ITGB4: variants seen among roughly 807,000 people sequenced by gnomAD.
The protein encoded by ITGB4 is integrin beta-4.
In ITGB4, 159 loss-of-function variants were observed where a neutral mutation model predicts 207.6. The observed-to-expected ratio is 0.77, with a 90% CI of 0.67 to 0.87. The LOEUF (loss-of-function observed/expected upper bound fraction) is 0.87. Ranked by LOEUF, ITGB4 falls within the 40% of genes least tolerant of loss-of-function variation. ITGB4 has a pLI of 0.00. For synonymous variants in ITGB4, 1,020 were observed against 1,062.7 expected (o/e 0.96, Z 0.78); for missense variants, 2,278 against 2,546.8 (o/e 0.89, Z 2.27).
chr17:75,730,870 C>T lies in ITGB4; in HGVS notation c.1003-5C>T, dbSNP rs200509882. Reference sequence around the variant, plus strand: ...TAGCCTGAGACCTGGCCTTCTCTCCCGCAGAAGCTTCACACCTATTTCCCT... The same window carrying T: ...TAGCCTGAGACCTGGCCTTCTCTCCTGCAGAAGCTTCACACCTATTTCCCT... On this transcript the variant is annotated splice_region_variant and splice_polypyrimidine_tract_variant and intron_variant, in intron 8 of 39. Coordinates refer to ENST00000200181, the MANE Select transcript of ITGB4 (RefSeq NM_000213.5). 8.1e-5 allele frequency: 130 copies of T among 1,610,692 alleles called. No homozygotes were observed. Among genetic ancestry groups the T allele is most frequent in the Non-Finnish European group, 1.1e-4 (124 of 1,178,094 alleles).
In ITGB4 at chr17:75,750,132, C is replaced by T. The variant is rs775373022; in HGVS notation, c.3338C>T (p.Thr1113Met). Reference protein sequence around the residue: ...RDPDELDRSFTSQMLSSQPPP... With the variant: ...RDPDELDRSFMSQMLSSQPPP... The stretch of plus-strand genomic sequence containing the variant: ...TTAGATGAACTGGACCGGAGCTTCA[C>T]GAGTCAGATGTTGTCATCACAGCCA... The change falls in exon 28 of 40, where the codon ACG becomes ATG. Residue 1113 changes from threonine to methionine, a missense_variant. By Grantham distance (81) the Thr-to-Met change is moderately conservative. Coordinates refer to ENST00000200181, the MANE Select transcript of ITGB4 (RefSeq NM_000213.5). The surrounding 1 kb of genome is among the most constrained non-coding windows in gnomAD (Gnocchi z 5.5). 16 of 1,613,602 alleles carry T rather than the reference C, an allele frequency of 9.9e-6. No homozygotes were observed. Among genetic ancestry groups the T allele is most frequent in the South Asian group, 5.5e-5 (5 of 91,086 alleles).
At chr17:75,749,152 A>G (rs1447641692) in intron 27 of ITGB4, 107 bp downstream of exon 27, 1 of 880,986 alleles carries the variant, frequency 1.1e-6, no homozygotes, top group African/African-American at 1.7e-5. Context: ...ACGCCCAGGT[A>G]AATCTGAATT....
In ITGB4 at chr17:75,727,380, G is replaced by A. The variant is rs772979254; in HGVS notation, c.163-24G>A. ...AGCCAGGGAATGGGTGCTGCCCCCAGTGACCCCCTGTCCTTCTGGCCAGAT... is the reference window on the plus strand; with the variant it reads ...AGCCAGGGAATGGGTGCTGCCCCCAATGACCCCCTGTCCTTCTGGCCAGAT... On this transcript the variant is annotated intron_variant, in intron 3 of 39. Transcript: ENST00000200181. This position sits in a 1 kb window ranked among gnomAD's most constrained non-coding sequence, Gnocchi z 6.0. The A allele has an allele frequency of 6.2e-7, 1 of 1,613,770 alleles. No individual in the cohort carries two copies. The highest frequency in any genetic ancestry group is 1.7e-5 in the Admixed American group (1 of 60,014).
chr17:75,757,228 C>G lies in ITGB4; in HGVS notation c.5247C>G (p.Ala1749=), dbSNP rs766721134. ...GGPFPQLGSR[A]GLFQHPLQSE... is the part of the protein sequence containing the mutation. Reference sequence around the variant, plus strand: ...CCTTCCCGCAGCTGGGCAGCCGTGCCGGGCTCTTCCAGCACCCGCTGCAAA... The same window carrying G: ...CCTTCCCGCAGCTGGGCAGCCGTGCGGGGCTCTTCCAGCACCCGCTGCAAA... The change falls in exon 39 of 40, where the codon GCC becomes GCG. Residue 1749 remains alanine, a synonymous_variant. Coordinates refer to ENST00000200181, the MANE Select transcript of ITGB4 (RefSeq NM_000213.5). 2 of 1,612,036 alleles carry G rather than the reference C, an allele frequency of 1.2e-6. No individual in the cohort carries two copies. The highest frequency in any genetic ancestry group is 1.1e-5 in the South Asian group (1 of 91,082).
In ITGB4 at chr17:75,750,305, G is replaced by C. The variant is rs985206031; in HGVS notation, c.3474+37G>C. 3 of 1,578,282 alleles carry C rather than the reference G, an allele frequency of 1.9e-6. No homozygotes were observed. The highest frequency in any genetic ancestry group is 1.3e-5 in the African/African-American group (1 of 74,334). On this transcript the variant is annotated intron_variant, in intron 28 of 39. Coordinates refer to ENST00000200181, the MANE Select transcript of ITGB4 (RefSeq NM_000213.5). This position sits in a 1 kb window ranked among gnomAD's most constrained non-coding sequence, Gnocchi z 5.5. Reference sequence around the variant, plus strand: ...GGCTGAGGGTCACGACAGGTGGATGGGCGGTCTGGCACCAGCACTCACAGA... The same window carrying C: ...GGCTGAGGGTCACGACAGGTGGATGCGCGGTCTGGCACCAGCACTCACAGA...
chr17:75,735,972 G>C, intron 13 of ITGB4, 79 bp from the exon 14 acceptor site: 1 of 1,344,674 alleles, frequency 7.4e-7, no homozygotes, highest in South Asian at 1.2e-5. Flanking sequence ...TGTTCCCACA[G>C]GCCCTCCCTG....
intron 34 of ITGB4, 84 bp downstream of exon 34, chr17:75,754,899 C>T (rs2061453880): frequency 6.3e-7 from 1 of 1,587,418 alleles, no homozygotes; most frequent in African/African-American, 1.3e-5. Context: ...TGTCTGCTGT[C>T]CCCACCGCCC....
rs755444323 is a variant in ITGB4, at chr17:75,731,392, G to T, written c.1215+24G>T. 2 of 1,600,598 alleles carry T rather than the reference G, an allele frequency of 1.2e-6. No individual in the cohort carries two copies. The highest frequency in any genetic ancestry group is 8.5e-7 in the Non-Finnish European group (1 of 1,171,400). ...TGGTACGCCTCTGTGGGGGCAGCGG[G>T]GTGGGGGATAGGCACAGCGCCCCAC... On this transcript the variant is annotated intron_variant, in intron 10 of 39. Coordinates refer to ENST00000200181, the MANE Select transcript of ITGB4 (RefSeq NM_000213.5). This position sits in a 1 kb window ranked among gnomAD's most constrained non-coding sequence, Gnocchi z 6.8.
chr17:75,750,287 G>A lies in ITGB4; in HGVS notation c.3474+19G>A, dbSNP rs1441550246. Reference sequence around the variant, plus strand: ...GTACAGGGTAAGGCGGGGGGCTGAGGGTCACGACAGGTGGATGGGCGGTCT... The same window carrying A: ...GTACAGGGTAAGGCGGGGGGCTGAGAGTCACGACAGGTGGATGGGCGGTCT... On this transcript the variant is annotated intron_variant, in intron 28 of 39. Coordinates refer to ENST00000200181, the MANE Select transcript of ITGB4 (RefSeq NM_000213.5). The surrounding 1 kb of genome is among the most constrained non-coding windows in gnomAD (Gnocchi z 5.5). The A allele has an allele frequency of 6.3e-7, 1 of 1,597,022 alleles. No individual in the cohort carries two copies. The highest frequency in any genetic ancestry group is 1.3e-5 in the African/African-American group (1 of 74,580).
At position 75,739,764 on chromosome 17, in the gene ITGB4, G is replaced by C. The variant is rs1185974836; in HGVS notation, c.2254+59G>C. The C allele has an allele frequency of 6.9e-5, 112 of 1,611,934 alleles. No individual in the cohort carries two copies. The highest frequency in any genetic ancestry group is 9.3e-5 in the Non-Finnish European group (109 of 1,178,218). ...TCTGACTGCTCTTTCTCTGAGCTGGGGTGGAGGGAAGCTGAACCTGGAACG... is the reference window on the plus strand; with the variant it reads ...TCTGACTGCTCTTTCTCTGAGCTGGCGTGGAGGGAAGCTGAACCTGGAACG... On this transcript the variant is annotated intron_variant, in intron 19 of 39. Coordinates refer to ENST00000200181, the MANE Select transcript of ITGB4 (RefSeq NM_000213.5). This position sits in a 1 kb window ranked among gnomAD's most constrained non-coding sequence, Gnocchi z 5.4.
chr17:75,740,733 C>T lies in ITGB4; in HGVS notation c.2551-60C>T. The T allele has an allele frequency of 6.3e-7, 1 of 1,584,732 alleles. No individual in the cohort carries two copies. The highest frequency in any genetic ancestry group is 8.7e-7 in the Non-Finnish European group (1 of 1,155,712). On this transcript the variant is annotated intron_variant, in intron 21 of 39. Transcript: ENST00000200181. This position sits in a 1 kb window ranked among gnomAD's most constrained non-coding sequence, Gnocchi z 5.9. ...GCTGCCTGGCTCCCTGGGTCCCCAG[C>T]CTGAGGGCTTGCCACGGGGTGGCCT... is the stretch of plus-strand genomic sequence containing the variant.
chr17:75,753,270 C>A (rs1306152317), intron 32 of ITGB4, among the ~76,000 whole-genome samples: 1 of 152,156 alleles, frequency 6.6e-6, no homozygotes, highest in African/African-American at 2.4e-5. Flanking sequence ...GCTTAAGGAG[C>A]CATTTTGAGG....
Position 75,740,850 on chromosome 17 carries a change from C to T in ITGB4, c.2608C>T (p.Arg870Trp), listed in dbSNP as rs748038104. 48 of 1,613,724 alleles carry T rather than the reference C, an allele frequency of 3.0e-5. No homozygotes were observed. Among genetic ancestry groups the T allele is most frequent in the Middle Eastern group, 1.7e-4 (1 of 5,814 alleles). The change falls in exon 22 of 40, where the codon CGG (arginine) becomes TGG (tryptophan). Residue 870 changes from arginine to tryptophan, a missense_variant and splice_region_variant. Arg to Trp is a moderately radical substitution (Grantham distance 101). Transcript: ENST00000200181. The surrounding 1 kb of genome is among the most constrained non-coding windows in gnomAD (Gnocchi z 5.9). ...GVHKLQQTKFRQQPNAGKKQD... is the reference protein window; with the variant it reads ...GVHKLQQTKFWQQPNAGKKQD... ...ACACAAGCTCCAGCAGACCAAGTTC[C>T]GGTGAGTCCCGGGGTGCCCGGGTTG...
rs771011007 is a variant in ITGB4, at chr17:75,755,125, G to A, written c.4558+310G>A. 13 of 1,610,964 alleles carry A rather than the reference G, an allele frequency of 8.1e-6. No homozygotes were observed. In the Admixed American group the frequency reaches 2.2e-4, roughly 27 times the overall value. ...CCTGGGCCCTGGGGTCCCGGAGTCG[G>A]GCTCAGATGAAAGGGTTCCCCCCTT... On this transcript the variant is annotated intron_variant, in intron 34 of 39. Coordinates refer to ENST00000200181, the MANE Select transcript of ITGB4 (RefSeq NM_000213.5).
intron 35 of ITGB4, among the ~76,000 whole-genome samples, 158 bp from the exon 36 acceptor site, chr17:75,756,271 C>A (rs540642172): frequency 1.3e-5 from 2 of 152,244 alleles, no homozygotes; most frequent in Admixed American, 6.5e-5. Flanking sequence ...ACAATCTGAA[C>A]AACCAGCCAT....
chr17:75,728,131 T>G (rs912517449), intron 5 of ITGB4, among the ~76,000 whole-genome samples: 1 of 152,236 alleles, frequency 6.6e-6, no homozygotes, highest in East Asian at 1.9e-4. Context: ...GGGAAGCTTC[T>G]GCTCCTCAGA....
chr17:75,721,791 A>T (rs1369082836), intron 1 of ITGB4, among the ~76,000 whole-genome samples, 179 bp downstream of exon 1: 1 of 152,168 alleles, frequency 6.6e-6, no homozygotes, highest in East Asian at 1.9e-4. Context: ...GCCAAGGGGC[A>T]GGGCAGCTAG....
rs2060891244 is a variant in ITGB4, at chr17:75,732,859, G to T, written c.1454+620G>T. Among the ~76,000 whole-genome samples the T allele has an allele frequency of 6.6e-6, 1 of 152,140 alleles. No homozygotes were observed. On this transcript the variant is annotated intron_variant, in intron 12 of 39. Transcript: ENST00000200181. This position sits in a 1 kb window ranked among gnomAD's most constrained non-coding sequence, Gnocchi z 5.3. ...CCCAGCACTTTGGGAGGCCGAGGTG[G>T]GTGGATCACCTGAGGTCAGGAGTTC...
chr17:75,736,745 A>T (rs763901032), intron 16 of ITGB4, 51 bp downstream of exon 16: 6 of 1,562,692 alleles, frequency 3.8e-6, no homozygotes, highest in Non-Finnish European at 5.2e-6. Context: ...GGCAGCGGGC[A>T]TCCAACGGGG....
Sources: allele counts gnomAD v4.1 joint callset (sites outside exome capture counted in the v4.1 genomes callset), GRCh38; gene constraint gnomAD v4.1.1; non-coding constraint Gnocchi (gnomAD v3.1); transcripts MANE v1.5; gene names NCBI Gene and HGNC (gene_info 2026-07-23, HGNC 2026-07-21).